CD160: variants seen among roughly 807,000 people sequenced by gnomAD.
CD160 encodes CD160 molecule.
CD160 carries 11 observed loss-of-function variants against 19.2 expected under a neutral mutation model. That is an observed-to-expected ratio of 0.57 (90% CI 0.36 to 0.95). CD160 has a LOEUF of 0.95. CD160 is among the 40% of genes least tolerant of loss of function. The pLI is 0.01. For missense variants in CD160, 182 were observed against 213.2 expected, an observed-to-expected ratio of 0.85 and a Z score of 0.91; for synonymous variants, 75 against 81.1, an observed-to-expected ratio of 0.93 and a Z score of 0.40.
chr1:145,725,277 G>C (rs1214655248), intron 2 of CD160, among the ~76,000 whole-genome samples: 1 of 151,858 alleles, frequency 6.6e-6, no homozygotes, highest in African/African-American at 2.4e-5. Flanking sequence ...AATTAGCCGA[G>C]CGCAGTGGCA....
intron 1 of CD160, among the ~76,000 whole-genome samples, chr1:145,721,263 C>T (rs1656833574): frequency 6.6e-6 from 1 of 152,210 alleles, no homozygotes; most frequent in Admixed American, 6.5e-5. Flanking sequence ...TGGCCCATGG[C>T]TGGAGTGACG....
At chr1:145,726,880 A>G (rs2101378919) in intron 2 of CD160, among the ~76,000 whole-genome samples, 1 of 152,346 alleles carries the variant, frequency 6.6e-6, no homozygotes, top group African/African-American at 2.4e-5. Context: ...AAAAATGAAT[A>G]TCACATTCTC....
intron 4 of CD160, among the ~76,000 whole-genome samples, chr1:145,732,561 C>G (rs952131824): frequency 1.3e-5 from 2 of 151,654 alleles, no homozygotes; most frequent in Admixed American, 6.6e-5. Context: ...GGCAGTTAGT[C>G]CAGAAGAGAG....
chr1:145,735,554 T>C (rs1368065714), intron 4 of CD160, among the ~76,000 whole-genome samples: 1 of 151,954 alleles, frequency 6.6e-6, no homozygotes, highest in African/African-American at 2.4e-5. Flanking sequence ...CACTGTACTC[T>C]AGCCTGGATG....
At chr1:145,731,752 A>C (rs1244301556) in intron 4 of CD160, among the ~76,000 whole-genome samples, 1 of 152,222 alleles carries the variant, frequency 6.6e-6, no homozygotes, top group Non-Finnish European at 1.5e-5. Context: ...AAATGTGGCT[A>C]TATTTCTAAA....
intron 2 of CD160, among the ~76,000 whole-genome samples, 154 bp downstream of exon 2, chr1:145,725,060 G>A (rs1657001144): frequency 6.6e-6 from 1 of 151,570 alleles, no homozygotes; most frequent in Non-Finnish European, 1.5e-5. Context: ...CACCGCAACT[G>A]GGCCTTTCAA....
chr1:145,723,804 G>C (rs767788263), intron 1 of CD160, among the ~76,000 whole-genome samples: 1 of 152,038 alleles, frequency 6.6e-6, no homozygotes, highest in African/African-American at 2.4e-5. Flanking sequence ...GGCTGGTCTC[G>C]AACTCCTGAC....
chr1:145,738,683 AC>A lies in CD160; in HGVS notation c.*192del. On this transcript the variant is annotated 3_prime_UTR_variant, in exon 6 of 6. Transcript: ENST00000369288. The stretch of plus-strand genomic sequence containing the variant: ...AGTGTAATCCTTGACTTTGCTCCTC[AC>A]CATCAGGGCAAACTTGCCTTCTTCC... 1 of 400,462 alleles carries A rather than the reference AC, an allele frequency of 2.5e-6. No individual in the cohort carries two copies. The allele number at this position is 400,462 out of a possible 1,614,324, so 24.8% of individuals were successfully genotyped here.
At position 145,728,266 on chromosome 1, in the gene CD160, C is replaced by A; in HGVS notation, c.-62C>A. The A allele has an allele frequency of 1.6e-6, 2 of 1,284,892 alleles. No individual in the cohort carries two copies. The highest frequency in any genetic ancestry group is 2.2e-6 in the Non-Finnish European group (2 of 889,166). 79.6% of individuals were successfully genotyped at this position (1,284,892 alleles called of 1,614,324 possible). A position where few individuals can be genotyped will look rare whatever the true frequency, so the allele number is the denominator to read the frequency against. ...CCCCTGTGCTTTTAGGAGACTGAAG[C>A]CAAGGATACCAGCAGAGCCAACATT... On this transcript the variant is annotated 5_prime_UTR_variant, in exon 3 of 6. Transcript: ENST00000369288.
intron 1 of CD160, among the ~76,000 whole-genome samples, chr1:145,720,747 T>C (rs1393265028): frequency 6.6e-6 from 1 of 152,146 alleles, no homozygotes; most frequent in Non-Finnish European, 1.5e-5. Flanking sequence ...TTATGTGTCA[T>C]CTAACCGTCA....
intron 3 of CD160, 106 bp downstream of exon 3, chr1:145,728,506 T>A (rs908552480): frequency 5.2e-5 from 24 of 462,280 alleles, no homozygotes; most frequent in Non-Finnish European, 7.4e-5. Context: ...GGACTCTTTT[T>A]TTTTTTTTTT....
intron 4 of CD160, among the ~76,000 whole-genome samples, chr1:145,731,539 G>A (rs587743863): frequency 8.5e-5 from 13 of 152,140 alleles, no homozygotes; most frequent in South Asian, 4.1e-4. Flanking sequence ...GTGTGGTGGC[G>A]CATGCCTGTA....
At chr1:145,728,176 A>G (rs1657127813) in intron 2 of CD160, 80 bp from the exon 3 acceptor site, 2 of 624,838 alleles carry the variant, frequency 3.2e-6, no homozygotes, top group African/African-American at 1.8e-5. Flanking sequence ...ACTCTAGCCA[A>G]TCAAAGCTAG....
intron 4 of CD160, among the ~76,000 whole-genome samples, chr1:145,734,370 C>T (rs1657405059): frequency 6.6e-6 from 1 of 152,208 alleles, no homozygotes; most frequent in South Asian, 2.1e-4. Context: ...ACCAGCTTGT[C>T]TTTCCAAAAT....
chr1:145,735,501 G>A (rs1156869097), intron 4 of CD160, among the ~76,000 whole-genome samples: 2 of 152,086 alleles, frequency 1.3e-5, no homozygotes, highest in Admixed American at 6.6e-5. Flanking sequence ...TGGGAGGATC[G>A]ATTGGGCTCG....
chr1:145,733,202 C>T (rs1252187570), intron 4 of CD160, among the ~76,000 whole-genome samples: 1 of 152,074 alleles, frequency 6.6e-6, no homozygotes, highest in African/African-American at 2.4e-5. Context: ...GGCGTGATCT[C>T]TGCTCACTGC....
At position 145,730,728 on chromosome 1, in the gene CD160, T is replaced by TCC. The variant is rs1657253224; in HGVS notation, c.74-14_74-13dup. 1 of 1,604,230 alleles carries TCC rather than the reference T, an allele frequency of 6.2e-7. No individual in the cohort carries two copies. The highest frequency in any genetic ancestry group is 1.1e-5 in the South Asian group (1 of 90,922). On this transcript the variant is annotated splice_polypyrimidine_tract_variant and intron_variant, in intron 3 of 5. Transcript: ENST00000369288. ...TGCTACCTGACCTCTGGGTAATTCT[T>TCC]CCCTTTCCATTCCAGGATGCATTAA...
intron 4 of CD160, among the ~76,000 whole-genome samples, chr1:145,734,830 T>A (rs1259996681): frequency 6.6e-6 from 1 of 151,964 alleles, no homozygotes; most frequent in African/African-American, 2.4e-5. Context: ...AATGTCAGGG[T>A]GGGTGGTGGC....
intron 3 of CD160, among the ~76,000 whole-genome samples, chr1:145,729,569 A>T (rs753990665): frequency 1.3e-5 from 2 of 152,216 alleles, no homozygotes; most frequent in Non-Finnish European, 2.9e-5. Flanking sequence ...GTTTGAGGAG[A>T]GTGAGGGGCA....
Sources: allele counts gnomAD v4.1 joint callset (sites outside exome capture counted in the v4.1 genomes callset), GRCh38; gene constraint gnomAD v4.1.1; transcripts MANE v1.5; gene names NCBI Gene and HGNC (gene_info 2026-07-23, HGNC 2026-07-21).